The following CNTROB variants were observed in gnomAD, a reference collection of about 807,000 sequenced individuals.
CNTROB encodes centrobin, centriole duplication and spindle assembly protein, also known as centrobin.
In CNTROB, 82 loss-of-function variants were observed where a neutral mutation model predicts 115.7. The observed-to-expected ratio is 0.71, with a 90% CI of 0.59 to 0.85. The LOEUF is 0.85. CNTROB is among the 40% of genes least tolerant of loss of function. CNTROB has a pLI of 0.00. For missense variants in CNTROB, 1,014 were observed against 1,144.4 expected, an observed-to-expected ratio of 0.89 and a Z score of 1.64; for synonymous variants, 439 against 456.4, an observed-to-expected ratio of 0.96 and a Z score of 0.49.
rs745563862 is a variant in CNTROB, at chr17:7,945,992, T to C, written c.1993+6T>C. The C allele has an allele frequency of 3.1e-6, 5 of 1,613,420 alleles. No individual in the cohort carries two copies. The East Asian group carries it at 1.1e-4, about 36-fold the overall frequency. On this transcript the variant is annotated splice_donor_region_variant and intron_variant, in intron 13 of 18. Coordinates refer to ENST00000563694, the MANE Select transcript of CNTROB (RefSeq NM_053051.5). The stretch of plus-strand genomic sequence containing the variant: ...AGACCTCACTTCATCCACAGGTAAC[T>C]GGGGGCAGAAGTCACTGGGGTTCCC...
In CNTROB at chr17:7,948,624, A is replaced by T; in HGVS notation, c.2513+5A>T. On this transcript the variant is annotated splice_donor_5th_base_variant and intron_variant, in intron 17 of 18. Coordinates refer to ENST00000563694, the MANE Select transcript of CNTROB (RefSeq NM_053051.5). The surrounding 1 kb of genome is among the most constrained non-coding windows in gnomAD (Gnocchi z 4.4). ...GAAGAGGCTGGAACACAGCGGGTAC[A>T]AGCCTGGGAGGAAGGAGGAAGGATT... 6.2e-7 allele frequency: 1 copy of T among 1,614,086 alleles called. No homozygotes were observed. The highest frequency in any genetic ancestry group is 8.5e-7 in the Non-Finnish European group (1 of 1,180,032).
rs563908709 is a variant in CNTROB at position 7,948,617 on chromosome 17, C to T, written c.2511C>T (p.Ser837=). 6.8e-6 allele frequency: 11 copies of T among 1,613,928 alleles called. No individual in the cohort carries two copies. The highest frequency in any genetic ancestry group is 2.7e-5 in the African/African-American group (2 of 74,850). Residue 837 remains serine (S), a splice_region_variant and synonymous_variant, in exon 17 of 19, where the codon AGC becomes AGT. Coordinates refer to ENST00000563694, the MANE Select transcript of CNTROB (RefSeq NM_053051.5). The surrounding 1 kb of genome is among the most constrained non-coding windows in gnomAD (Gnocchi z 4.4). ...TCTACCTGAAGAGGCTGGAACACAGCGGGTACAAGCCTGGGAGGAAGGAGG... is the reference window on the plus strand; with the variant it reads ...TCTACCTGAAGAGGCTGGAACACAGTGGGTACAAGCCTGGGAGGAAGGAGG... ...LLLYLKRLEH[S]GTDGRGDNVP... is the part of the protein sequence containing the mutation.
At chr17:7,938,220 G>T (rs1973435758) in intron 7 of CNTROB, among the ~76,000 whole-genome samples, 1 of 152,098 alleles carries the variant, frequency 6.6e-6, no homozygotes, top group Non-Finnish European at 1.5e-5. Flanking sequence ...GGCCAGGCTG[G>T]TCTCAAACTC....
At position 7,943,002 on chromosome 17, in the gene CNTROB, C is replaced by T. The variant is rs376388817; in HGVS notation, c.1312-389C>T. On this transcript the variant is annotated intron_variant, in intron 9 of 18. Transcript: ENST00000563694. This position sits in a 1 kb window ranked among gnomAD's most constrained non-coding sequence, Gnocchi z 4.7. Reference sequence around the variant, plus strand: ...ATTTTTAGTAGAAACGGGGTTTCACCGTGTTAGCCAAGATGGTCTCGATCT... The same window carrying T: ...ATTTTTAGTAGAAACGGGGTTTCACTGTGTTAGCCAAGATGGTCTCGATCT... Among the ~76,000 whole-genome samples the T allele has an allele frequency of 7.3e-5, 11 of 151,134 alleles. No homozygotes were observed. The South Asian group carries it at 2.3e-3, about 32-fold the overall frequency.
In CNTROB at chr17:7,944,066, G is replaced by T; in HGVS notation, c.1446-57G>T. 1.4e-6 allele frequency: 2 copies of T among 1,405,560 alleles called. No homozygotes were observed. The highest frequency in any genetic ancestry group is 4.6e-5 in the East Asian group (2 of 43,794). The allele number at this position is 1,405,560 out of a possible 1,614,324, so 87.1% of individuals were successfully genotyped here. On this transcript the variant is annotated intron_variant, in intron 10 of 18. Transcript: ENST00000563694. This position sits in a 1 kb window ranked among gnomAD's most constrained non-coding sequence, Gnocchi z 4.0. The stretch of plus-strand genomic sequence containing the variant: ...GTGCACACATGATGTCTTTTTCTCA[G>T]TTGGTCACTTCTTCTGTCTCCAGTC...
At position 7,949,131 on chromosome 17, in the gene CNTROB, C is replaced by G; in HGVS notation, c.2560C>G (p.Arg854Gly). ...DNVPRRNTDSRLGEIPRKEIP... is the reference protein window; with the variant it reads ...DNVPRRNTDSGLGEIPRKEIP... ...TGTCCCCAGAAGGAACACAGACTCC[C>G]GCTTGGGTGAGATCCCCCGGAAAGA... Residue 854 changes from arginine (R) to glycine (G), a missense_variant, in exon 18 of 19, where the codon CGC (arginine) becomes GGC (glycine). By Grantham distance (125) the Arg-to-Gly change is moderately radical. Transcript: ENST00000563694. 1 of 1,614,082 alleles carries G rather than the reference C, an allele frequency of 6.2e-7. No individual in the cohort carries two copies. Among genetic ancestry groups the G allele is most frequent in the Non-Finnish European group, 8.5e-7 (1 of 1,180,000 alleles).
Position 7,939,991 on chromosome 17 carries a change from T to C in CNTROB, c.1165-105T>C. The C allele has an allele frequency of 7.5e-7, 1 of 1,338,200 alleles. No homozygotes were observed. Among genetic ancestry groups the C allele is most frequent in the Non-Finnish European group, 1.0e-6 (1 of 984,006 alleles). The allele number at this position is 1,338,200 out of a possible 1,614,324, so 82.9% of individuals were successfully genotyped here. A position where few individuals can be genotyped will look rare whatever the true frequency, so the allele number is the denominator to read the frequency against. ...GGGAAATAAAACAAATGGGAGGAGC[T>C]GGGGGAAGCTTGGATTTTAGGGTTT... On this transcript the variant is annotated intron_variant, in intron 8 of 18. Transcript: ENST00000563694. The surrounding 1 kb of genome is among the most constrained non-coding windows in gnomAD (Gnocchi z 4.4).
chr17:7,947,858 CCCT>C, intron 14 of CNTROB, 55 bp from the exon 15 acceptor site: 1 of 1,607,906 alleles, frequency 6.2e-7, no homozygotes, highest in Non-Finnish European at 8.5e-7. Context: ...TCTCTCAGAT[CCCT>C]GGGCGTTTTT....
chr17:7,941,778 A>G (rs191070624), intron 9 of CNTROB, among the ~76,000 whole-genome samples: 2 of 151,488 alleles, frequency 1.3e-5, no homozygotes, highest in Admixed American at 6.6e-5. Flanking sequence ...TGGGCGCAAT[A>G]TGGCAGTACC....
Position 7,944,267 on chromosome 17 carries a change from C to T in CNTROB, c.1571+19C>T, listed in dbSNP as rs373354118. 1 of 1,612,100 alleles carries T rather than the reference C, an allele frequency of 6.2e-7. No individual in the cohort carries two copies. Among genetic ancestry groups the T allele is most frequent in the Non-Finnish European group, 8.5e-7 (1 of 1,178,160 alleles). On this transcript the variant is annotated intron_variant, in intron 11 of 18. Coordinates refer to ENST00000563694, the MANE Select transcript of CNTROB (RefSeq NM_053051.5). The surrounding 1 kb of genome is among the most constrained non-coding windows in gnomAD (Gnocchi z 4.0). ...AGCTCAGGTCCTGGTCCCCAGAGTG[C>T]CCCTTTCAGGCCCCAGCCCCTTTCC...
In CNTROB at chr17:7,933,222, C is replaced by T. The variant is rs1430347746; in HGVS notation, c.143C>T (p.Ala48Val). Residue 48 changes from alanine (A) to valine (V), a missense_variant, in exon 1 of 19, where the codon GCG (alanine) becomes GTG (valine). Ala to Val is a moderately conservative substitution (Grantham distance 64, BLOSUM62 0). Transcript: ENST00000563694. ...GCTTCTTTGCGCCTCAGCCGGCAGG[C>T]GGAGGCCACGGCCCGAGCCCAGCTG... is the stretch of plus-strand genomic sequence containing the variant. ...LYASLRLSRQ[A>V]EATARAQLYL... 7 of 1,614,216 alleles carry T rather than the reference C, an allele frequency of 4.3e-6. No individual in the cohort carries two copies. The highest frequency in any genetic ancestry group is 4.5e-5 in the East Asian group (2 of 44,888).
At chr17:7,946,565 CGAATTAAAAATGAGG>C (rs532559976) in intron 13 of CNTROB, among the ~76,000 whole-genome samples, 63 of 152,144 alleles carry the variant, frequency 4.1e-4, no homozygotes, top group South Asian at 3.5e-3. Context: ...CAACCTAGGT[CGAATTAAAAATGAGG>C]GATGGGGCCG....
chr17:7,932,332 A>C lies in CNTROB; in HGVS notation c.-748A>C. 5.8e-6 allele frequency: 1 copy of C among 173,030 alleles called. No individual in the cohort carries two copies. Among genetic ancestry groups the C allele is most frequent in the South Asian group, 1.1e-4 (1 of 8,798 alleles). 10.7% of individuals were successfully genotyped at this position (173,030 alleles called of 1,614,324 possible). The stretch of plus-strand genomic sequence containing the variant: ...TGGGGACTGAGGACTGGAAGGGTGG[A>C]GAGTAGGCGGAACCAGGTGGTCGTC... On this transcript the variant is annotated 5_prime_UTR_variant, in exon 1 of 19. Transcript: ENST00000563694.
At chr17:7,934,576 G>A in intron 3 of CNTROB, 30 bp downstream of exon 3, 1 of 1,583,998 alleles carries the variant, frequency 6.3e-7, no homozygotes, top group Non-Finnish European at 8.7e-7. Flanking sequence ...CTCCTAGCTT[G>A]TTTGCTTTCT....
chr17:7,938,782 G>C (rs1471869267), intron 7 of CNTROB, among the ~76,000 whole-genome samples: 1 of 151,954 alleles, frequency 6.6e-6, no homozygotes, highest in Non-Finnish European at 1.5e-5. Context: ...GTCAACTATT[G>C]TGTTTGTTTG....
rs1598047912 is a variant in CNTROB at position 7,932,210 on chromosome 17, T to G, written c.-870T>G. On this transcript the variant is annotated 5_prime_UTR_variant, in exon 1 of 19. Coordinates refer to ENST00000563694, the MANE Select transcript of CNTROB (RefSeq NM_053051.5). ...GCGAGAGAGGCGGAGCCGTGGACAG[T>G]GGGCGGGAGGCTGCCAACGGTTTTG... is the stretch of plus-strand genomic sequence containing the variant. The G allele has an allele frequency of 4.0e-6, 1 of 250,080 alleles. No homozygotes were observed. The allele number at this position is 250,080 out of a possible 1,614,324, so 15.5% of individuals were successfully genotyped here. A position where few individuals can be genotyped will look rare whatever the true frequency, so the allele number is the denominator to read the frequency against.
At position 7,947,595 on chromosome 17, in the gene CNTROB, C is replaced by A. The variant is rs1378202380; in HGVS notation, c.2018C>A (p.Ala673Asp). 4 of 1,610,318 alleles carry A rather than the reference C, an allele frequency of 2.5e-6. No individual in the cohort carries two copies. Among genetic ancestry groups the A allele is most frequent in the African/African-American group, 2.7e-5 (2 of 74,942 alleles). Residue 673 changes from alanine to aspartate, a missense_variant, in exon 14 of 19, where the codon GCC becomes GAC. Transcript: ENST00000563694. ...STAGAFSALG[A>D]FHPDHRAERP... ...GCTGGGGCCTTCTCTGCACTTGGGGCCTTCCATCCCGATCATAGGGCAGAA... is the reference window on the plus strand; with the variant it reads ...GCTGGGGCCTTCTCTGCACTTGGGGACTTCCATCCCGATCATAGGGCAGAA...
intron 9 of CNTROB, among the ~76,000 whole-genome samples, chr17:7,942,596 CAAAAAAA>C (rs377086554): frequency 1.1e-4 from 6 of 56,478 alleles, no homozygotes; most frequent in Non-Finnish European, 1.2e-4. Context: ...GACTCCATCT[CAAAAAAA>C]AAAAAAAAAA....
intron 1 of CNTROB, 103 bp downstream of exon 1, chr17:7,933,452 C>G (rs528490728): frequency 8.3e-7 from 1 of 1,207,430 alleles, no homozygotes; most frequent in Non-Finnish European, 1.1e-6. Context: ...TTGAACTCTT[C>G]CTGTTGGATT....
Sources: allele counts gnomAD v4.1 joint callset (sites outside exome capture counted in the v4.1 genomes callset), GRCh38; gene constraint gnomAD v4.1.1; non-coding constraint Gnocchi (gnomAD v3.1); transcripts MANE v1.5; gene names NCBI Gene and HGNC (gene_info 2026-07-23, HGNC 2026-07-21).